Variants in PIK3R6 observed in about 807,000 individuals in gnomAD.
PIK3R6 encodes the protein phosphoinositide 3-kinase regulatory subunit 6.
In PIK3R6, 91 loss-of-function variants were observed where a neutral mutation model predicts 84.9. That is an observed-to-expected ratio of 1.07 (90% confidence interval 0.90 to 1.28). PIK3R6 has a LOEUF of 1.28. Among genes scored for constraint, PIK3R6 ranks in the 50% most tolerant of loss-of-function variants. The pLI, the probability that PIK3R6 is intolerant of heterozygous loss-of-function variation, is 0.00. For synonymous variants in PIK3R6, 416 were observed against 411.4 expected (o/e 1.01, Z -0.13); for missense variants, 996 against 985.1 (o/e 1.01, Z -0.15).
intron 2 of PIK3R6, among the ~76,000 whole-genome samples, chr17:8,841,961 C>T (rs559416823): frequency 7.2e-4 from 109 of 152,214 alleles, no homozygotes; most frequent in Middle Eastern, 6.8e-3. Context: ...GCCATCCTTG[C>T]GGTAATGAGT....
chr17:8,856,471 A>G (rs984419189), intron 1 of PIK3R6, among the ~76,000 whole-genome samples: 2 of 152,162 alleles, frequency 1.3e-5, no homozygotes, highest in African/African-American at 4.8e-5. Flanking sequence ...GCATGGTGGC[A>G]GGTGCCTGTA....
chr17:8,859,976 GA>G (rs1484507823), intron 1 of PIK3R6, among the ~76,000 whole-genome samples: 1 of 152,156 alleles, frequency 6.6e-6, no homozygotes, highest in African/African-American at 2.4e-5. Context: ...GGAGTGGCCT[GA>G]CTAATACAAT....
At chr17:8,854,233 CCG>C (rs2089064088) in intron 1 of PIK3R6, among the ~76,000 whole-genome samples, 1 of 152,058 alleles carries the variant, frequency 6.6e-6, no homozygotes, top group Non-Finnish European at 1.5e-5. Context: ...ACTGCAACCT[CCG>C]CCTCCTGGGT....
Position 8,829,645 on chromosome 17 carries a change from C to T in PIK3R6, c.889+61G>A, listed in dbSNP as rs2088161126. On this transcript the variant is annotated intron_variant, in intron 10 of 19. Transcript: ENST00000619866. ...ATGCACACTGACACACACTCATGCA[C>T]GCATACACACACAGACACAGACATA... is the stretch of plus-strand genomic sequence containing the variant. 27 of 1,466,330 alleles carry T rather than the reference C, an allele frequency of 1.8e-5. No homozygotes were observed. The East Asian group carries it at 5.2e-4, about 28-fold the overall frequency. The allele number at this position is 1,466,330 out of a possible 1,614,324, so 90.8% of individuals were successfully genotyped here. A position where few individuals can be genotyped will look rare whatever the true frequency, so the allele number is the denominator to read the frequency against.
At position 8,839,715 on chromosome 17, in the gene PIK3R6, T is replaced by C; in HGVS notation, c.14-18A>G. 1 of 1,554,548 alleles carries C rather than the reference T, an allele frequency of 6.4e-7. No individual in the cohort carries two copies. Among genetic ancestry groups the C allele is most frequent in the Non-Finnish European group, 8.7e-7 (1 of 1,147,624 alleles). On this transcript the variant is annotated intron_variant, in intron 2 of 19. Transcript: ENST00000619866. The surrounding 1 kb of genome is among the most constrained non-coding windows in gnomAD (Gnocchi z 4.2). ...CTCCACATCTGGGCAGTGGTAGGGG[T>C]GGGAGGAAACTCAGTCCACTGAACC... is the stretch of plus-strand genomic sequence containing the variant.
intron 2 of PIK3R6, among the ~76,000 whole-genome samples, chr17:8,841,554 A>G (rs1246806064): frequency 6.6e-6 from 1 of 152,214 alleles, no homozygotes; most frequent in Non-Finnish European, 1.5e-5. Flanking sequence ...CACTCTGCTC[A>G]TTGGCTATAA....
intron 2 of PIK3R6, among the ~76,000 whole-genome samples, chr17:8,848,277 T>C (rs2088858600): frequency 6.6e-6 from 1 of 152,178 alleles, no homozygotes. Context: ...ATAATAAACC[T>C]TTATTGGTGC....
At position 8,829,688 on chromosome 17, in the gene PIK3R6, A is replaced by C. The variant is rs1261781550; in HGVS notation, c.889+18T>G. 2.0e-5 allele frequency: 31 copies of C among 1,548,844 alleles called. No homozygotes were observed. The highest frequency in any genetic ancestry group is 2.5e-5 in the Non-Finnish European group (29 of 1,144,782). ...CAGACATATACCACTGTTTCCAGACAGCTCCATGGGCACGTACAGAGCTGC... is the reference window on the plus strand; with the variant it reads ...CAGACATATACCACTGTTTCCAGACCGCTCCATGGGCACGTACAGAGCTGC... On this transcript the variant is annotated intron_variant, in intron 10 of 19. Coordinates refer to ENST00000619866, the MANE Select transcript of PIK3R6 (RefSeq NM_001010855.4).
intron 18 of PIK3R6, 115 bp from the exon 19 acceptor site, chr17:8,804,268 G>C: frequency 1.2e-6 from 1 of 804,216 alleles, no homozygotes; most frequent in Non-Finnish European, 2.1e-6. Context: ...GGGGTCCCCA[G>C]CTCTCCTCCT....
In PIK3R6 at chr17:8,816,194, T is replaced by C. The variant is rs186098913; in HGVS notation, c.1995+2889A>G. Among the ~76,000 whole-genome samples, 15 of 152,256 alleles carry C rather than the reference T, an allele frequency of 9.9e-5. No individual in the cohort carries two copies. In the East Asian group the frequency reaches 2.9e-3, roughly 29 times the overall value. On this transcript the variant is annotated intron_variant, in intron 18 of 19. Coordinates refer to ENST00000619866, the MANE Select transcript of PIK3R6 (RefSeq NM_001010855.4). The stretch of plus-strand genomic sequence containing the variant: ...CATAAATCAGATTATAAAATAAATA[T>C]GTTTAGAATGAGTGAAGAAATAAAA...
At chr17:8,807,055 A>G (rs1006234652) in intron 18 of PIK3R6, among the ~76,000 whole-genome samples, 3 of 152,372 alleles carry the variant, frequency 2.0e-5, no homozygotes, top group East Asian at 3.9e-4. Flanking sequence ...AGAGGTCATT[A>G]AAAACAGAAA....
rs1410763869 is a variant in PIK3R6, at chr17:8,803,360, C to A, written c.2178G>T (p.Leu726Phe). 1.2e-6 allele frequency: 2 copies of A among 1,613,512 alleles called. No homozygotes were observed. The highest frequency in any genetic ancestry group is 1.7e-6 in the Non-Finnish European group (2 of 1,179,808). ...TTGCTTCCACCTCCTGTTGCCCATG[C>A]AAATTGAGCCACGGTGCCTTGGACT... The part of the protein sequence containing the change: ...AQKSKAPWLN[L>F]HGQQEVEAIK... Residue 726 changes from leucine to phenylalanine, a missense_variant, in exon 20 of 20, where the codon TTG becomes TTT. Leu to Phe is a conservative substitution (Grantham distance 22). Coordinates refer to ENST00000619866, the MANE Select transcript of PIK3R6 (RefSeq NM_001010855.4). The surrounding 1 kb of genome is among the most constrained non-coding windows in gnomAD (Gnocchi z 5.0).
rs914072267 is a variant in PIK3R6 at position 8,839,799 on chromosome 17, C to T, written c.14-102G>A. ...TGTCTTTAGCCATTTCTCTGAGCCT[C>T]AGGAGGTGCCCGAAGTAATCGACTT... On this transcript the variant is annotated intron_variant, in intron 2 of 19. Coordinates refer to ENST00000619866, the MANE Select transcript of PIK3R6 (RefSeq NM_001010855.4). This position sits in a 1 kb window ranked among gnomAD's most constrained non-coding sequence, Gnocchi z 4.2. The T allele has an allele frequency of 7.8e-6, 8 of 1,028,636 alleles. No homozygotes were observed. The Admixed American group carries it at 2.1e-4, about 27-fold the overall frequency. 63.7% of individuals were successfully genotyped at this position (1,028,636 alleles called of 1,614,324 possible).
At chr17:8,821,021 A>G (rs2087715246) in intron 17 of PIK3R6, among the ~76,000 whole-genome samples, 1 of 152,268 alleles carries the variant, frequency 6.6e-6, no homozygotes, top group Non-Finnish European at 1.5e-5. Context: ...ATATTGATCA[A>G]GTATCTACCA....
chr17:8,829,597 T>A, intron 10 of PIK3R6, 109 bp downstream of exon 10: 1 of 1,118,708 alleles, frequency 8.9e-7, no homozygotes, highest in Non-Finnish European at 1.3e-6. Context: ...CACACACTCA[T>A]GCATACACAC....
chr17:8,817,706 C>T (rs1158695968), intron 18 of PIK3R6, among the ~76,000 whole-genome samples: 1 of 151,990 alleles, frequency 6.6e-6, no homozygotes, highest in Non-Finnish European at 1.5e-5. Flanking sequence ...AATATAAGGG[C>T]TAAATAGTGA....
intron 1 of PIK3R6, among the ~76,000 whole-genome samples, chr17:8,850,928 A>G (rs1287970849): frequency 1.3e-5 from 2 of 152,234 alleles, no homozygotes; most frequent in African/African-American, 4.8e-5. Context: ...GTGAGGAAAT[A>G]GAGACAGTTG....
rs997883066 is a variant in PIK3R6 at position 8,811,389 on chromosome 17, T to C, written c.1996-7236A>G. Among the ~76,000 whole-genome samples, 10 of 148,502 alleles carry C rather than the reference T, an allele frequency of 6.7e-5. 1 individual carries two copies. The highest frequency in any genetic ancestry group is 2.5e-4 in the African/African-American group (10 of 39,856). ...CATGCCCTGGAGACATTTTCCCCAT[T>C]GTCTTGGGGATTAACATTTGGCTCC... On this transcript the variant is annotated intron_variant, in intron 18 of 19. Coordinates refer to ENST00000619866, the MANE Select transcript of PIK3R6 (RefSeq NM_001010855.4).
rs1282779284 is a variant in PIK3R6 at position 8,803,481 on chromosome 17, C to T, written c.2109-52G>A. On this transcript the variant is annotated intron_variant, in intron 19 of 19. Coordinates refer to ENST00000619866, the MANE Select transcript of PIK3R6 (RefSeq NM_001010855.4). This position sits in a 1 kb window ranked among gnomAD's most constrained non-coding sequence, Gnocchi z 5.0. ...GTGACCCATCTGAGGGATCAGATTG[C>T]CTAGGGCATTTGAAAGGCAGAGCTG... 3.3e-6 allele frequency: 5 copies of T among 1,525,186 alleles called. No homozygotes were observed. The African/African-American group carries it at 6.9e-5, about 21-fold the overall frequency. The allele number at this position is 1,525,186 out of a possible 1,614,324, so 94.5% of individuals were successfully genotyped here.
Sources: allele counts gnomAD v4.1 joint callset (sites outside exome capture counted in the v4.1 genomes callset), GRCh38; gene constraint gnomAD v4.1.1; non-coding constraint Gnocchi (gnomAD v3.1); transcripts MANE v1.5; gene names NCBI Gene and HGNC (gene_info 2026-07-23, HGNC 2026-07-21).